The following CATSPERB variants were observed in gnomAD, a reference collection of about 807,000 sequenced individuals.
The protein encoded by CATSPERB is cation channel sperm-associated auxiliary subunit beta.
In CATSPERB, 93 loss-of-function variants were observed where a neutral mutation model predicts 128.3. The observed-to-expected ratio is 0.72, with a 90% confidence interval of 0.61 to 0.86. The LOEUF (loss-of-function observed/expected upper bound fraction) is 0.86. Ranked by LOEUF, CATSPERB falls within the 40% of genes least tolerant of loss-of-function variation. The pLI, the probability that CATSPERB is intolerant of heterozygous loss-of-function variation, is 0.00. For missense variants in CATSPERB, 1,153 were observed against 1,329.5 expected (o/e 0.87, Z 2.06); for synonymous variants, 381 against 448.8 (o/e 0.85, Z 1.91).
At chr14:91,655,874 G>C (rs1254928913) in intron 15 of CATSPERB, among the ~76,000 whole-genome samples, 1 of 152,074 alleles carries the variant, frequency 6.6e-6, no homozygotes, top group East Asian at 1.9e-4. Context: ...TTCAGCCAAA[G>C]AAGATGACCT....
At chr14:91,682,269 G>C (rs113562551) in intron 11 of CATSPERB, among the ~76,000 whole-genome samples, 84 of 152,288 alleles carry the variant, frequency 5.5e-4, no homozygotes, top group African/African-American at 1.9e-3. Flanking sequence ...CAGGAAACAT[G>C]TTTTTCAACT....
chr14:91,659,695 C>T, intron 15 of CATSPERB, 142 bp downstream of exon 15: 2 of 710,186 alleles, frequency 2.8e-6, no homozygotes, highest in Non-Finnish European at 4.4e-6. Flanking sequence ...CCATAGGATC[C>T]TACTTCTGTA....
At chr14:91,623,652 T>C (rs1395199682) in intron 18 of CATSPERB, among the ~76,000 whole-genome samples, 9 of 152,192 alleles carry the variant, frequency 5.9e-5, no homozygotes, top group Admixed American at 5.9e-4. Flanking sequence ...AATGGCCTCC[T>C]AGCTGACTTC....
rs1896222378 is a variant in CATSPERB, at chr14:91,732,058, C to G, written c.-129G>C. ...TTTCCCTGTTGACTGGCTTAGCACT[C>G]TAGTCACCTTTGGTAACAGCCAATC... On this transcript the variant is annotated 5_prime_UTR_variant, in exon 1 of 27. Transcript: ENST00000256343. 1 of 152,606 alleles carries G rather than the reference C, an allele frequency of 6.6e-6. No homozygotes were observed. The highest frequency in any genetic ancestry group is 6.5e-5 in the Admixed American group (1 of 15,278). 9.5% of individuals were successfully genotyped at this position (152,606 alleles called of 1,614,324 possible). A position where few individuals can be genotyped will look rare whatever the true frequency, so the allele number is the denominator to read the frequency against.
chr14:91,625,024 C>T lies in CATSPERB; in HGVS notation c.1743-17G>A, dbSNP rs770710632. ...CCAGTTTTCCTAAAAACAAATAAAA[C>T]CATTAAGCAATTTGGATAAAACAGT... On this transcript the variant is annotated splice_polypyrimidine_tract_variant and intron_variant, in intron 17 of 26. Transcript: ENST00000256343. 6.6e-7 allele frequency: 1 copy of T among 1,525,732 alleles called. No homozygotes were observed. The highest frequency in any genetic ancestry group is 8.8e-7 in the Non-Finnish European group (1 of 1,136,354). The allele number at this position is 1,525,732 out of a possible 1,614,324, so 94.5% of individuals were successfully genotyped here.
At chr14:91,613,243 TAAAAC>T (rs1226851796) in intron 20 of CATSPERB, among the ~76,000 whole-genome samples, 2 of 152,096 alleles carry the variant, frequency 1.3e-5, no homozygotes, top group Non-Finnish European at 2.9e-5. Context: ...ATAGGGATGA[TAAAAC>T]AAAAGTAGCA....
intron 24 of CATSPERB, among the ~76,000 whole-genome samples, chr14:91,589,184 T>C (rs1458690498): frequency 6.6e-6 from 1 of 152,232 alleles, no homozygotes; most frequent in Non-Finnish European, 1.5e-5. Context: ...CCCCACCTTT[T>C]ACAACCTCCT....
chr14:91,675,956 G>A (rs555341046), intron 11 of CATSPERB, among the ~76,000 whole-genome samples: 20 of 152,198 alleles, frequency 1.3e-4, no homozygotes, highest in African/African-American at 3.4e-4. Context: ...GTTATTTGTC[G>A]GAAATACCTG....
chr14:91,603,368 G>C, intron 22 of CATSPERB: 2 of 1,609,698 alleles, frequency 1.2e-6, no homozygotes, highest in Non-Finnish European at 8.5e-7. Flanking sequence ...TTTTACCTTT[G>C]CTAAATCCAA....
At chr14:91,596,525 C>T (rs1259384983) in intron 22 of CATSPERB, among the ~76,000 whole-genome samples, 1 of 151,890 alleles carries the variant, frequency 6.6e-6, no homozygotes, top group Non-Finnish European at 1.5e-5. Context: ...TTTTAAAGAG[C>T]ATTTAAAACA....
intron 22 of CATSPERB, chr14:91,603,051 T>C (rs1208118085): frequency 3.8e-6 from 3 of 783,136 alleles, no homozygotes; most frequent in Non-Finnish European, 7.1e-6. Context: ...CCTGTGTCTT[T>C]TGCCTTTTTG....
chr14:91,640,597 G>A (rs1235221843), intron 15 of CATSPERB, among the ~76,000 whole-genome samples: 6 of 88,014 alleles, frequency 6.8e-5, no homozygotes, highest in Admixed American at 1.3e-4. Flanking sequence ...TGGCTGCATA[G>A]TATTCCATGG....
chr14:91,632,503 A>G (rs931575370), intron 17 of CATSPERB, among the ~76,000 whole-genome samples: 5 of 152,188 alleles, frequency 3.3e-5, no homozygotes, highest in African/African-American at 1.2e-4. Flanking sequence ...AAAATGTTCA[A>G]CTGATCATGA....
chr14:91,587,686 C>CAGGTGAAT (rs1292046300), intron 25 of CATSPERB, among the ~76,000 whole-genome samples: 1 of 151,950 alleles, frequency 6.6e-6, no homozygotes, highest in African/African-American at 2.4e-5. Flanking sequence ...CGTCCATATC[C>CAGGTGAAT]AGGTGAATAA....
intron 22 of CATSPERB, chr14:91,604,423 G>A: frequency 7.9e-7 from 1 of 1,261,742 alleles, no homozygotes; most frequent in South Asian, 1.2e-5. Context: ...CAGGTTGCAT[G>A]TTCGTGGAGT....
At chr14:91,687,950 C>CA (rs11404420) in intron 10 of CATSPERB, among the ~76,000 whole-genome samples, 54,423 of 116,908 alleles carry the variant, frequency 0.47, 11,668 homozygotes, top group Admixed American at 0.53. Context: ...GAGAGTGTCT[C>CA]AAAAAAAAAA....
rs1171249435 is a variant in CATSPERB, at chr14:91,607,685, C to T, written c.2709+609G>A. On this transcript the variant is annotated intron_variant, in intron 22 of 26. Coordinates refer to ENST00000256343, the MANE Select transcript of CATSPERB (RefSeq NM_024764.4). ...TAAAGAAACACCAATTTTATGTATT[C>T]GTGTACGTGCACATGTGTATGAATG... Among the ~76,000 whole-genome samples the T allele has an allele frequency of 5.9e-5, 9 of 152,148 alleles. No homozygotes were observed. In the South Asian group the frequency reaches 8.3e-4, roughly 14 times the overall value.
At position 91,652,670 on chromosome 14, in the gene CATSPERB, C is replaced by CAAAAAAAAA. The variant is rs58608847; in HGVS notation, c.1432+7158_1432+7166dup. ...TGAGCAACAGAGCAAGACTCTGTCT[C>CAAAAAAAAA]AAAAAAAAAAAAAAAAAAAAAAAAA... On this transcript the variant is annotated intron_variant, in intron 15 of 26. Coordinates refer to ENST00000256343, the MANE Select transcript of CATSPERB (RefSeq NM_024764.4). Among the ~76,000 whole-genome samples, 24 of 69,214 alleles carry CAAAAAAAAA rather than the reference C, an allele frequency of 3.5e-4. 1 individual carries two copies. Among genetic ancestry groups the CAAAAAAAAA allele is most frequent in the Non-Finnish European group, 4.5e-4 (18 of 39,852 alleles). The allele number at this position is 69,214 out of a possible 152,430, so 45.4% of individuals were successfully genotyped here.
intron 5 of CATSPERB, 58 bp downstream of exon 5, chr14:91,719,360 C>G: frequency 8.2e-7 from 1 of 1,224,680 alleles, no homozygotes; most frequent in Non-Finnish European, 1.1e-6. Flanking sequence ...TCTTTTTGTT[C>G]TTTTTATTTG....
Sources: allele counts gnomAD v4.1 joint callset (sites outside exome capture counted in the v4.1 genomes callset), GRCh38; gene constraint gnomAD v4.1.1; transcripts MANE v1.5; gene names NCBI Gene and HGNC (gene_info 2026-07-23, HGNC 2026-07-21).